Variants in ROR1 observed in about 807,000 individuals in gnomAD.
ROR1 encodes the protein inactive tyrosine-protein kinase transmembrane receptor ROR1.
Under a neutral mutation model 78.8 loss-of-function variants are expected in ROR1, and 19 were observed. The ratio of observed to expected loss-of-function variants is 0.24; its 90% CI spans 0.17 to 0.35. The LOEUF is 0.35. Ranked by LOEUF, ROR1 falls within the 10% of genes least tolerant of loss-of-function variation. ROR1 has a pLI of 1.00. For synonymous variants in ROR1, 386 were observed against 433.6 expected (o/e 0.89, Z 1.36); for missense variants, 917 against 1,177.8 (o/e 0.78, Z 3.24).
intron 1 of ROR1, among the ~76,000 whole-genome samples, chr1:63,859,338 A>T (rs1327654215): frequency 1.3e-5 from 2 of 152,160 alleles, no homozygotes; most frequent in Non-Finnish European, 2.9e-5. Context: ...TGATGCTTTT[A>T]TCTGTCTCTC....
chr1:64,144,200 G>A (rs905762250), intron 7 of ROR1, among the ~76,000 whole-genome samples: 2 of 152,148 alleles, frequency 1.3e-5, no homozygotes, highest in African/African-American at 2.4e-5. Flanking sequence ...TTGCTGAGAC[G>A]GAGAAAACTA....
intron 2 of ROR1, among the ~76,000 whole-genome samples, chr1:64,029,899 C>T (rs1243787419): frequency 6.6e-6 from 1 of 152,134 alleles, no homozygotes; most frequent in African/African-American, 2.4e-5. Flanking sequence ...ATGCTGTTTT[C>T]CCAGCATAAG....
chr1:64,156,365 G>A (rs1649770197), intron 7 of ROR1, among the ~76,000 whole-genome samples: 1 of 152,148 alleles, frequency 6.6e-6, no homozygotes, highest in Admixed American at 6.5e-5. Flanking sequence ...AATCATTACT[G>A]GTGCAACCAG....
At chr1:64,122,327 C>T (rs764413004) in intron 4 of ROR1, among the ~76,000 whole-genome samples, 1 of 152,166 alleles carries the variant, frequency 6.6e-6, no homozygotes, top group African/African-American at 2.4e-5. Flanking sequence ...CTCTTCAGAC[C>T]TCTTGACTTC....
chr1:63,791,577 G>A (rs1335290091), intron 1 of ROR1, among the ~76,000 whole-genome samples: 1 of 152,102 alleles, frequency 6.6e-6, no homozygotes, highest in African/African-American at 2.4e-5. Context: ...CTCCACCAGA[G>A]TCAAAGCAAC....
intron 4 of ROR1, among the ~76,000 whole-genome samples, chr1:64,088,603 G>T (rs186320857): frequency 7.7e-6 from 1 of 130,564 alleles, no homozygotes; most frequent in East Asian, 2.8e-4. Flanking sequence ...CGGGGGGGTC[G>T]GGGCTAGCGA....
At chr1:64,123,350 A>G (rs1376865251) in intron 4 of ROR1, among the ~76,000 whole-genome samples, 2 of 152,166 alleles carry the variant, frequency 1.3e-5, no homozygotes, top group African/African-American at 2.4e-5. Context: ...TTTGGCATTT[A>G]GTGGATTTGT....
intron 8 of ROR1, among the ~76,000 whole-genome samples, chr1:64,175,482 C>T (rs939416274): frequency 1.3e-5 from 2 of 152,058 alleles, no homozygotes; most frequent in Non-Finnish European, 2.9e-5. Context: ...ACAAACAATA[C>T]TATATTGAAT....
intron 1 of ROR1, among the ~76,000 whole-genome samples, chr1:63,786,571 C>CG (rs71584416): frequency 1.8e-5 from 2 of 113,342 alleles, no homozygotes; most frequent in African/African-American, 7.0e-5. Flanking sequence ...CGCGCCTGGC[C>CG]TTTTTTTTTT....
intron 1 of ROR1, among the ~76,000 whole-genome samples, chr1:63,848,559 A>T (rs1645095504): frequency 1.3e-5 from 2 of 152,226 alleles, no homozygotes; most frequent in South Asian, 4.1e-4. Context: ...AATTTATTTC[A>T]GATAGTGGAG....
chr1:64,125,965 A>G (rs1381994716), intron 4 of ROR1, among the ~76,000 whole-genome samples: 1 of 152,200 alleles, frequency 6.6e-6, no homozygotes, highest in Non-Finnish European at 1.5e-5. Flanking sequence ...TTTCTGGAAC[A>G]TTCTGCCTGG....
intron 2 of ROR1, among the ~76,000 whole-genome samples, chr1:64,037,957 ACT>A (rs1165041522): frequency 6.6e-6 from 1 of 150,836 alleles, no homozygotes; most frequent in Non-Finnish European, 1.5e-5. Context: ...AGCACCCCCT[ACT>A]CTCTCACACC....
intron 4 of ROR1, among the ~76,000 whole-genome samples, chr1:64,051,847 A>G (rs1243768232): frequency 6.6e-6 from 1 of 152,266 alleles, no homozygotes; most frequent in African/African-American, 2.4e-5. Flanking sequence ...TGTTTGATCT[A>G]GACTACACCT....
At chr1:63,974,634 T>A (rs1183798305) in intron 1 of ROR1, among the ~76,000 whole-genome samples, 2 of 151,870 alleles carry the variant, frequency 1.3e-5, no homozygotes, top group African/African-American at 4.8e-5. Context: ...TAAACCCTTT[T>A]TTTTCTTTTT....
intron 4 of ROR1, among the ~76,000 whole-genome samples, chr1:64,071,560 C>T (rs898810870): frequency 1.7e-4 from 26 of 152,064 alleles, no homozygotes; most frequent in African/African-American, 5.5e-4. Flanking sequence ...GGTCCACTCC[C>T]CCCCGCCCCA....
At chr1:63,821,192 A>G (rs938275795) in intron 1 of ROR1, among the ~76,000 whole-genome samples, 11 of 152,288 alleles carry the variant, frequency 7.2e-5, no homozygotes, top group East Asian at 3.9e-4. Flanking sequence ...ACATTTAACC[A>G]TGCTGTCCTT....
chr1:63,793,805 G>A (rs1161023285), intron 1 of ROR1, among the ~76,000 whole-genome samples: 1 of 152,198 alleles, frequency 6.6e-6, no homozygotes, highest in African/African-American at 2.4e-5. Context: ...GAGCCATCCA[G>A]TCTGAGCTTT....
intron 2 of ROR1, among the ~76,000 whole-genome samples, chr1:64,010,091 T>C (rs1193445345): frequency 6.6e-6 from 1 of 152,156 alleles, no homozygotes; most frequent in Non-Finnish European, 1.5e-5. Flanking sequence ...TGCTCTCACC[T>C]TTTCACCTGG....
At chr1:64,059,708 T>TAAAAAAAAAAAAAAAAAAAAA (rs75359961) in intron 4 of ROR1, among the ~76,000 whole-genome samples, 10 of 130,848 alleles carry the variant, frequency 7.6e-5, no homozygotes, top group African/African-American at 2.9e-4. Context: ...GACTCCATCT[T>TAAAAAAAAAAAAAAAAAAAAA]AAAAAAAAAA....
Sources: gnomAD v4.1 joint callset for allele counts (sites outside exome capture counted in the v4.1 genomes callset) on GRCh38, gnomAD v4.1.1 for gene constraint, MANE v1.5 for transcripts, NCBI Gene and HGNC (gene_info 2026-07-23, HGNC 2026-07-21) for gene names.